TTC6: variants seen among roughly 807,000 people sequenced by gnomAD.
TTC6 encodes the protein tetratricopeptide repeat protein 6.
TTC6 carries 172 observed loss-of-function variants against 210.4 expected under a neutral mutation model. The observed-to-expected ratio is 0.82, with a 90% CI of 0.72 to 0.93. The LOEUF (loss-of-function observed/expected upper bound fraction) is 0.93, where lower values mean the gene tolerates loss of function less well. Ranked by LOEUF, TTC6 falls within the 40% of genes least tolerant of loss-of-function variation. TTC6 has a pLI of 0.00. For synonymous variants in TTC6, 804 were observed against 819.6 expected (o/e 0.98, Z 0.32); for missense variants, 2,414 against 2,318.1 (o/e 1.04, Z -0.85).
chr14:37,768,563 A>C (rs1175262783), intron 14 of TTC6, among the ~76,000 whole-genome samples: 2 of 152,056 alleles, frequency 1.3e-5, no homozygotes, highest in Non-Finnish European at 2.9e-5. Flanking sequence ...CCTTGAAGCA[A>C]TTGTGAATGG....
intron 5 of TTC6, among the ~76,000 whole-genome samples, chr14:37,702,888 T>G (rs2095828214): frequency 6.6e-6 from 1 of 152,192 alleles, no homozygotes; most frequent in African/African-American, 2.4e-5. Context: ...ATTTTTATGT[T>G]TGTTTTCTAT....
In TTC6 at chr14:37,598,011, G is replaced by T. The variant is rs1363007861; in HGVS notation, c.-235+2003G>T. ...CTGAGGTTTAAAAGCGAATCAGCAG[G>T]GTCGTGTTGGGTCTTTGACTTGGAA... On this transcript the variant is annotated intron_variant, in intron 1 of 2. Coordinates refer to the TTC6 transcript ENST00000556845. The surrounding 1 kb of genome is among the most constrained non-coding windows in gnomAD (Gnocchi z 4.9). 6.6e-6 allele frequency among the ~76,000 whole-genome samples: 1 copy of T among 152,192 alleles called. No individual in the cohort carries two copies. The highest frequency in any genetic ancestry group is 1.5e-5 in the Non-Finnish European group (1 of 68,042).
At chr14:37,815,728 TTTG>T (rs1194201395) in intron 25 of TTC6, among the ~76,000 whole-genome samples, 1 of 152,142 alleles carries the variant, frequency 6.6e-6, no homozygotes, top group Non-Finnish European at 1.5e-5. Context: ...GGCTGTGTGG[TTTG>T]TTATTTATCA....
chr14:37,796,659 AT>A, intron 19 of TTC6, 127 bp from the exon 22 acceptor site: 1 of 876,362 alleles, frequency 1.1e-6, no homozygotes, highest in Non-Finnish European at 1.7e-6. Context: ...TGATTTGTTA[AT>A]TTTATAATTT....
At chr14:37,833,595 A>G (rs570068579) in intron 29 of TTC6, among the ~76,000 whole-genome samples, 2 of 152,296 alleles carry the variant, frequency 1.3e-5, no homozygotes, top group East Asian at 3.9e-4. Flanking sequence ...TAAACTGGTT[A>G]CATTCTGAGT....
In TTC6 at chr14:37,606,757, G is replaced by A; in HGVS notation, c.-155+15G>A. The A allele has an allele frequency of 1.0e-6, 1 of 985,240 alleles. No homozygotes were observed. The highest frequency in any genetic ancestry group is 1.2e-6 in the Non-Finnish European group (1 of 829,900). The allele number at this position is 985,240 out of a possible 1,614,324, so 61.0% of individuals were successfully genotyped here. A position where few individuals can be genotyped will look rare whatever the true frequency, so the allele number is the denominator to read the frequency against. ...ATGGAAGTGAGGTATGATGTCTTCA[G>A]TTCTTTCCAGTTCATCCTCATCCTG... On this transcript the variant is annotated intron_variant, in intron 2 of 2. Transcript: ENST00000556845.
chr14:37,602,166 C>T (rs2095616849), intron 1 of TTC6, among the ~76,000 whole-genome samples: 1 of 152,222 alleles, frequency 6.6e-6, no homozygotes, highest in South Asian at 2.1e-4. Flanking sequence ...CCGAGTGTCA[C>T]AGAAGTGATC....
intron 29 of TTC6, among the ~76,000 whole-genome samples, chr14:37,829,542 T>A (rs2096179940): frequency 1.3e-5 from 2 of 152,212 alleles, no homozygotes; most frequent in South Asian, 4.1e-4. Flanking sequence ...TTTTAGTAAT[T>A]TTTTAAAAAA....
At chr14:37,742,978 T>G (rs1481489101) in intron 10 of TTC6, among the ~76,000 whole-genome samples, 1 of 152,202 alleles carries the variant, frequency 6.6e-6, no homozygotes, top group Admixed American at 6.5e-5. Context: ...AGTAAAATCG[T>G]CCTTATTTTT....
intron 15 of TTC6, among the ~76,000 whole-genome samples, chr14:37,788,511 A>G (rs1292411051): frequency 1.3e-5 from 2 of 152,222 alleles, no homozygotes; most frequent in Non-Finnish European, 2.9e-5. Context: ...TTAAAATAAA[A>G]TAACTCAAAT....
Position 37,651,833 on chromosome 14 carries a change from C to T in TTC6, c.940-28318C>T, listed in dbSNP as rs73263336. ...AAAAGTATAGCGGGCACAAATGGGG[C>T]GAAGCCAGGGTGGGATGCAGAGTCT... On this transcript the variant is annotated intron_variant, in intron 1 of 30. Coordinates refer to ENST00000553443, the Ensembl canonical transcript of TTC6. Among the ~76,000 whole-genome samples, 397 of 152,114 alleles carry T rather than the reference C, an allele frequency of 2.6e-3. 1 individual carries two copies. Among genetic ancestry groups the T allele is most frequent in the African/African-American group, 8.6e-3 (355 of 41,508 alleles).
intron 2 of TTC6, among the ~76,000 whole-genome samples, chr14:37,608,963 C>T (rs1409219980): frequency 1.3e-5 from 2 of 152,186 alleles, no homozygotes; most frequent in African/African-American, 4.8e-5. Flanking sequence ...TGATTTTATG[C>T]TGCTCGTTTG....
At chr14:37,651,425 A>T (rs931918739) in intron 1 of TTC6, among the ~76,000 whole-genome samples, 474 of 23,642 alleles carry the variant, frequency 0.02, 4 homozygotes, top group Admixed American at 0.034. Context: ...ATATATATAT[A>T]TTTTTTTTTT....
chr14:37,599,779 TGCCCCCTAG>T (rs1566830493), intron 1 of TTC6, among the ~76,000 whole-genome samples: 1 of 152,144 alleles, frequency 6.6e-6, no homozygotes, highest in Non-Finnish European at 1.5e-5. Flanking sequence ...AAGGAAGAAG[TGCCCCCTAG>T]GGCCTCGCGG....
intron 26 of TTC6, among the ~76,000 whole-genome samples, chr14:37,823,046 C>T (rs2096161588): frequency 6.6e-6 from 1 of 152,066 alleles, no homozygotes; most frequent in South Asian, 2.1e-4. Context: ...TTAATTGAAA[C>T]TAAATATTAT....
At chr14:37,699,481 C>A (rs886932192) in intron 4 of TTC6, among the ~76,000 whole-genome samples, 2 of 152,198 alleles carry the variant, frequency 1.3e-5, no homozygotes, top group Non-Finnish European at 2.9e-5. Context: ...AGTCCAAAGT[C>A]TAGGAGCCTT....
intron 7 of TTC6, among the ~76,000 whole-genome samples, chr14:37,734,846 A>G (rs909340265): frequency 5.3e-5 from 8 of 152,180 alleles, no homozygotes; most frequent in Non-Finnish European, 1.2e-4. Flanking sequence ...TTGATTGTTA[A>G]TAAGTTCCAC....
chr14:37,697,954 A>G (rs1287931461), intron 4 of TTC6, among the ~76,000 whole-genome samples: 1 of 152,140 alleles, frequency 6.6e-6, no homozygotes, highest in African/African-American at 2.4e-5. Flanking sequence ...AAGAATGACA[A>G]ATAGTCCTGT....
Position 37,737,685 on chromosome 14 carries a change from C to A in TTC6, c.1934C>A (p.Ser645Ter). 1 of 1,523,406 alleles carries A rather than the reference C, an allele frequency of 6.6e-7. No homozygotes were observed. Among genetic ancestry groups the A allele is most frequent in the Non-Finnish European group, 8.8e-7 (1 of 1,139,556 alleles). 94.4% of individuals were successfully genotyped at this position (1,523,406 alleles called of 1,614,324 possible). Residue 645 changes from serine to a stop codon, truncating the protein, a stop_gained, in exon 9 of 31, where the codon TCA becomes TAA. Coordinates refer to ENST00000553443, the Ensembl canonical transcript of TTC6. LOFTEE classifies it high-confidence loss of function. ...TGTTTCTTACCAAGAAAATCTGCAT[C>A]ATTTGAAAGTATCCAAAAATGGTTT...
Sources: allele counts gnomAD v4.1 joint callset (sites outside exome capture counted in the v4.1 genomes callset), GRCh38; gene constraint gnomAD v4.1.1; non-coding constraint Gnocchi (gnomAD v3.1); transcripts MANE v1.5; gene names NCBI Gene and HGNC (gene_info 2026-07-23, HGNC 2026-07-21).